Variants in ADCY3 observed in about 807,000 individuals in gnomAD.
ADCY3 encodes the protein adenylate cyclase 3, also known as adenylate cyclase type 3.
ADCY3 carries 70 observed loss-of-function variants against 119.4 expected under a neutral mutation model. The ratio of observed to expected loss-of-function variants is 0.59; its 90% CI spans 0.48 to 0.72. The LOEUF is 0.72. ADCY3 is among the 30% of genes least tolerant of loss of function. The pLI, the probability that ADCY3 is intolerant of heterozygous loss-of-function variation, is 0.00. For missense variants in ADCY3, 1,238 were observed against 1,541.6 expected, an observed-to-expected ratio of 0.80 and a Z score of 3.30; for synonymous variants, 672 against 621.4, an observed-to-expected ratio of 1.08 and a Z score of -1.21.
intron 2 of ADCY3, among the ~76,000 whole-genome samples, chr2:24,895,160 G>A (rs775934551): frequency 4.9e-4 from 74 of 151,858 alleles, no homozygotes; most frequent in Admixed American, 1.0e-3. Context: ...GTGCAATCTC[G>A]GCTCACTGCA....
intron 13 of ADCY3, 73 bp from the exon 14 acceptor site, chr2:24,828,234 T>C: frequency 6.4e-7 from 1 of 1,556,356 alleles, no homozygotes; most frequent in Non-Finnish European, 8.7e-7. Context: ...GGGCTGTGCA[T>C]GGTAGTGCAC....
At chr2:24,903,658 C>T (rs1249464901) in intron 2 of ADCY3, among the ~76,000 whole-genome samples, 1 of 151,976 alleles carries the variant, frequency 6.6e-6, no homozygotes, top group Non-Finnish European at 1.5e-5. Flanking sequence ...TCATCAGACC[C>T]ATTAGGCCAT....
At chr2:24,868,678 C>T (rs1674608348) in intron 3 of ADCY3, among the ~76,000 whole-genome samples, 1 of 151,400 alleles carries the variant, frequency 6.6e-6, no homozygotes, top group African/African-American at 2.4e-5. Context: ...TAAAAAAGGA[C>T]ACAAATTAAG....
chr2:24,879,930 AG>A (rs953139978), intron 2 of ADCY3, among the ~76,000 whole-genome samples: 1 of 152,214 alleles, frequency 6.6e-6, no homozygotes, highest in African/African-American at 2.4e-5. Context: ...GTCTGCAGAC[AG>A]TGAGTGACTC....
At chr2:24,868,638 A>G (rs947956266) in intron 3 of ADCY3, among the ~76,000 whole-genome samples, 6 of 150,912 alleles carry the variant, frequency 4.0e-5, no homozygotes, top group Non-Finnish European at 3.0e-5. Context: ...AGTCTCCAAA[A>G]AACAACAATA....
At chr2:24,822,698 A>T in intron 18 of ADCY3, 68 bp from the exon 19 acceptor site, 1 of 1,586,446 alleles carries the variant, frequency 6.3e-7, no homozygotes, top group East Asian at 2.3e-5. Context: ...CCAGTGACAG[A>T]TGTACCTGTT....
intron 3 of ADCY3, among the ~76,000 whole-genome samples, chr2:24,860,746 T>G (rs1319738600): frequency 1.3e-5 from 2 of 151,994 alleles, no homozygotes; most frequent in African/African-American, 4.8e-5. Context: ...CATCTGGGAG[T>G]TGACTGTCAT....
At chr2:24,857,663 C>T (rs146018914) in intron 3 of ADCY3, among the ~76,000 whole-genome samples, 132 of 152,346 alleles carry the variant, frequency 8.7e-4, no homozygotes, top group Non-Finnish European at 1.6e-3. Context: ...CAGAGAGCAG[C>T]TGCCTCGAGC....
chr2:24,838,568 C>G lies in ADCY3; in HGVS notation c.1410G>C (p.Val470=), dbSNP rs559013080. 1 of 1,614,176 alleles carries G rather than the reference C, an allele frequency of 6.2e-7. No homozygotes were observed. The highest frequency in any genetic ancestry group is 1.7e-5 in the Admixed American group (1 of 60,028). ...AGCGGCTGCCCCCATCGCCTGGCTC[C>G]ACATCAAACTCCCCTTTCAGGCAGT... ...TMDCLKGEFD[V]EPGDGGSRCD... The change falls in exon 8 of 22, where the codon GTG becomes GTC. Residue 470 remains valine, a synonymous_variant. Coordinates refer to ENST00000679454, the MANE Select transcript of ADCY3 (RefSeq NM_004036.5).
At chr2:24,831,555 C>T (rs1296644634) in intron 12 of ADCY3, 107 bp downstream of exon 12, 3 of 885,838 alleles carry the variant, frequency 3.4e-6, no homozygotes, top group Non-Finnish European at 5.5e-6. Context: ...AGAGGAGTGT[C>T]TGCCTGTCAG....
Position 24,831,893 on chromosome 2 carries a change from G to A in ADCY3, c.1968-144C>T, listed in dbSNP as rs368258391. ...GGGGACAGTGGACAGGGGCCAGGGGGCAGGGGACAGCGGACAGGGGCCAGG... is the reference window on the plus strand; with the variant it reads ...GGGGACAGTGGACAGGGGCCAGGGGACAGGGGACAGCGGACAGGGGCCAGG... On this transcript the variant is annotated intron_variant, in intron 11 of 21. Coordinates refer to ENST00000679454, the MANE Select transcript of ADCY3 (RefSeq NM_004036.5). 5.6e-5 allele frequency: 13 copies of A among 231,448 alleles called. 1 individual carries two copies. In the East Asian group the frequency reaches 9.5e-4, roughly 17 times the overall value. 14.3% of individuals were successfully genotyped at this position (231,448 alleles called of 1,614,324 possible).
rs755410434 is a variant in ADCY3, at chr2:24,893,031, C to CT, written c.676-20313dup. Among the ~76,000 whole-genome samples, 1,218 of 122,872 alleles carry CT rather than the reference C, an allele frequency of 9.9e-3. 11 individuals are homozygous for CT. Among genetic ancestry groups the CT allele is most frequent in the Non-Finnish European group, 0.014 (829 of 59,130 alleles). The allele number at this position is 122,872 out of a possible 152,430, so 80.6% of individuals were successfully genotyped here. A position where few individuals can be genotyped will look rare whatever the true frequency, so the allele number is the denominator to read the frequency against. On this transcript the variant is annotated intron_variant, in intron 2 of 21. Coordinates refer to ENST00000679454, the MANE Select transcript of ADCY3 (RefSeq NM_004036.5). ...ATCCTTTTACTTTTAATCTATGTGT[C>CT]TTTTTTTTTTTTTTTTTTTTGAGAC...
At chr2:24,864,423 T>C (rs1440654891) in intron 3 of ADCY3, among the ~76,000 whole-genome samples, 3 of 152,086 alleles carry the variant, frequency 2.0e-5, no homozygotes, top group Non-Finnish European at 4.4e-5. Flanking sequence ...CAAACAGATA[T>C]CTGTACACCC....
At chr2:24,907,366 A>G (rs1662990367) in intron 2 of ADCY3, among the ~76,000 whole-genome samples, 1 of 152,204 alleles carries the variant, frequency 6.6e-6, no homozygotes, top group Admixed American at 6.5e-5. Flanking sequence ...CGAAAGTTCA[A>G]GTCCAGTCGC....
At chr2:24,896,117 G>A (rs1400105988) in intron 2 of ADCY3, among the ~76,000 whole-genome samples, 3 of 152,166 alleles carry the variant, frequency 2.0e-5, no homozygotes, top group Non-Finnish European at 4.4e-5. Flanking sequence ...TGTGCACAGT[G>A]GCTCAAGCCT....
rs921067931 is a variant in ADCY3 at position 24,834,320 on chromosome 2, C to T, written c.1967+165G>A. ...GGAAAAGGAAGGATGCCCAGGGTGCCGTCTAGCACTCCTGGGGCCTGTGGG... is the reference window on the plus strand; with the variant it reads ...GGAAAAGGAAGGATGCCCAGGGTGCTGTCTAGCACTCCTGGGGCCTGTGGG... On this transcript the variant is annotated intron_variant, in intron 11 of 21. Coordinates refer to ENST00000679454, the MANE Select transcript of ADCY3 (RefSeq NM_004036.5). This position sits in a 1 kb window ranked among gnomAD's most constrained non-coding sequence, Gnocchi z 4.2. Among the ~76,000 whole-genome samples, 3 of 152,216 alleles carry T rather than the reference C, an allele frequency of 2.0e-5. No homozygotes were observed. Among genetic ancestry groups the T allele is most frequent in the Non-Finnish European group, 2.9e-5 (2 of 68,036 alleles).
chr2:24,846,601 G>A (rs141569421), intron 3 of ADCY3, among the ~76,000 whole-genome samples: 1,571 of 144,554 alleles, frequency 0.011, 31 homozygotes, highest in African/African-American at 0.038. Flanking sequence ...TTTTTGAGAC[G>A]AAGTCTCGCT....
chr2:24,862,356 C>T (rs1156986382), intron 3 of ADCY3, among the ~76,000 whole-genome samples: 2 of 152,134 alleles, frequency 1.3e-5, no homozygotes, highest in Admixed American at 6.5e-5. Flanking sequence ...ACCATCCTGG[C>T]TAACACGGTG....
chr2:24,853,240 G>A (rs11681161), intron 3 of ADCY3, among the ~76,000 whole-genome samples: 15 of 152,086 alleles, frequency 9.9e-5, no homozygotes, highest in Non-Finnish European at 4.4e-5. Flanking sequence ...ATGGCTGCGC[G>A]CCTCAGGACA....
Sources: gnomAD v4.1 joint callset for allele counts (sites outside exome capture counted in the v4.1 genomes callset) on GRCh38, gnomAD v4.1.1 for gene constraint, Gnocchi (gnomAD v3.1) non-coding constraint, MANE v1.5 for transcripts, NCBI Gene and HGNC (gene_info 2026-07-23, HGNC 2026-07-21) for gene names.